Variants in MAP3K9 observed in about 807,000 individuals in gnomAD.
MAP3K9 encodes mitogen-activated protein kinase kinase kinase 9, also known as mixed lineage kinase 1 (tyr and ser/thr specificity).
A neutral mutation model predicts 95.8 loss-of-function variants in MAP3K9; 46 were observed. That is an observed-to-expected ratio of 0.48 (90% CI 0.38 to 0.61). The LOEUF is 0.61. Ranked by LOEUF, MAP3K9 falls within the 20% of genes least tolerant of loss-of-function variation. MAP3K9 has a pLI of 0.00. For missense variants in MAP3K9, 1,296 were observed against 1,474.3 expected (o/e 0.88, Z 1.98); for synonymous variants, 533 against 593.8 (o/e 0.90, Z 1.49).
intron 1 of MAP3K9, among the ~76,000 whole-genome samples, chr14:70,807,701 G>A (rs1237624803): frequency 6.6e-6 from 1 of 152,052 alleles, no homozygotes; most frequent in Non-Finnish European, 1.5e-5. Flanking sequence ...CTTTTTAACA[G>A]ATAAGAGATT....
At chr14:70,807,025 G>A (rs540120052) in intron 1 of MAP3K9, among the ~76,000 whole-genome samples, 2 of 152,176 alleles carry the variant, frequency 1.3e-5, no homozygotes, top group African/African-American at 4.8e-5. Flanking sequence ...CTACCTCCAG[G>A]CATTTTAAAG....
At chr14:70,802,283 C>T (rs1014642800) in intron 1 of MAP3K9, among the ~76,000 whole-genome samples, 3 of 152,150 alleles carry the variant, frequency 2.0e-5, no homozygotes, top group Admixed American at 6.5e-5. Context: ...GGGAAAGGAG[C>T]CTCATAAGAG....
At chr14:70,745,607 G>A (rs1429277686) in intron 5 of MAP3K9, among the ~76,000 whole-genome samples, 1 of 152,150 alleles carries the variant, frequency 6.6e-6, no homozygotes, top group Middle Eastern at 3.4e-3. Flanking sequence ...GCATGTTGAC[G>A]TGCACCTGTA....
rs572010694 is a variant in MAP3K9 at position 70,794,990 on chromosome 14, C to CTTTTTTTTTTTTTTTTTTTT, written c.820+5657_820+5676dup. Among the ~76,000 whole-genome samples the CTTTTTTTTTTTTTTTTTTTT allele has an allele frequency of 1.0e-4, 8 of 76,818 alleles. 1 individual carries two copies. Among genetic ancestry groups the CTTTTTTTTTTTTTTTTTTTT allele is most frequent in the Non-Finnish European group, 1.7e-4 (7 of 42,340 alleles). 50.4% of individuals were successfully genotyped at this position (76,818 alleles called of 152,430 possible). On this transcript the variant is annotated intron_variant, in intron 2 of 11. Coordinates refer to ENST00000554752, the MANE Select transcript of MAP3K9 (RefSeq NM_001284230.2). ...CCGTGACCAGCCTCTTTTTCTTTTC[C>CTTTTTTTTTTTTTTTTTTTT]TTTTTTTTTTTTTTTTTTTTTGAGA...
At chr14:70,756,393 T>C (rs2054299221) in intron 3 of MAP3K9, among the ~76,000 whole-genome samples, 1 of 152,148 alleles carries the variant, frequency 6.6e-6, no homozygotes, top group Admixed American at 6.5e-5. Flanking sequence ...TGAGAAATCA[T>C]GGTTTTCCAT....
chr14:70,785,228 G>A (rs2054731739), intron 2 of MAP3K9, among the ~76,000 whole-genome samples: 1 of 152,202 alleles, frequency 6.6e-6, no homozygotes, highest in African/African-American at 2.4e-5. Context: ...ACCTCAGGTA[G>A]ATACTGTTTC....
At chr14:70,746,187 A>AG (rs1298252767) in intron 5 of MAP3K9, among the ~76,000 whole-genome samples, 2 of 152,176 alleles carry the variant, frequency 1.3e-5, no homozygotes, top group Non-Finnish European at 2.9e-5. Flanking sequence ...TGTCTAAGGG[A>AG]TGGTCTGGCT....
intron 6 of MAP3K9, among the ~76,000 whole-genome samples, chr14:70,741,811 G>A (rs1381373886): frequency 6.6e-6 from 1 of 152,190 alleles, no homozygotes; most frequent in East Asian, 1.9e-4. Context: ...GCTGGGCGTG[G>A]TGGCATGCGC....
intron 2 of MAP3K9, among the ~76,000 whole-genome samples, chr14:70,764,700 T>C (rs2054425287): frequency 6.6e-6 from 1 of 151,898 alleles, no homozygotes; most frequent in African/African-American, 2.4e-5. Flanking sequence ...GGTGTGGTGG[T>C]GCATGCCTGT....
Position 70,742,499 on chromosome 14 carries a change from G to C in MAP3K9, c.1419C>G (p.Ala473=). The change falls in exon 6 of 12, where the codon GCC becomes GCG. Residue 473 remains alanine (A), a synonymous_variant. Coordinates refer to ENST00000554752, the MANE Select transcript of MAP3K9 (RefSeq NM_001284230.2). ...GTTCCAGGATGTCAATCTCCCGCTC[G>C]GCCAGCTCCTGCTCCCGACGCCGCA... ...ELLRRREQEL[A]EREIDILERE... is the part of the protein sequence containing the mutation. The C allele has an allele frequency of 6.2e-7, 1 of 1,614,176 alleles. No homozygotes were observed. Among genetic ancestry groups the C allele is most frequent in the South Asian group, 1.1e-5 (1 of 91,080 alleles).
At chr14:70,738,549 G>A (rs1307089381) in intron 7 of MAP3K9, 151 bp from the exon 8 acceptor site, 1 of 632,080 alleles carries the variant, frequency 1.6e-6, no homozygotes, top group African/African-American at 1.9e-5. Context: ...GACCCTTCCA[G>A]GAAAGTAATG....
chr14:70,808,841 C>T lies in MAP3K9; in HGVS notation c.331G>A (p.Val111Met). Residue 111 changes from valine (V) to methionine (M), a missense_variant, in exon 1 of 12, where the codon GTG becomes ATG. Around this residue, in one of 5 missense-constraint regions of MAP3K9, gnomAD observed 338 missense variants for 363.4 expected, o/e 0.93. Coordinates refer to ENST00000554752, the MANE Select transcript of MAP3K9 (RefSeq NM_001284230.2). Reference protein sequence around the residue: ...QRVGIFPSNYVTPRSAFSSRC... With the variant: ...QRVGIFPSNYMTPRSAFSSRC... ...CTGGAGAAGGCGCTGCGCGGGGTCA[C>T]GTAGTTGCTGGGGAAGATGCCCACC... 1 of 1,598,868 alleles carries T rather than the reference C, an allele frequency of 6.3e-7. No individual in the cohort carries two copies. The highest frequency in any genetic ancestry group is 2.3e-5 in the East Asian group (1 of 44,134).
chr14:70,772,097 C>T (rs1485574414), intron 2 of MAP3K9, among the ~76,000 whole-genome samples: 2 of 152,248 alleles, frequency 1.3e-5, no homozygotes, highest in African/African-American at 4.8e-5. Context: ...CTCCCCGACT[C>T]GACCTCAGCA....
chr14:70,744,207 TA>T (rs1291681630), intron 5 of MAP3K9, among the ~76,000 whole-genome samples: 3 of 151,918 alleles, frequency 2.0e-5, no homozygotes, highest in Non-Finnish European at 4.4e-5. Context: ...AGTGGGGGGC[TA>T]GGGGAGGGAG....
rs565417321 is a variant in MAP3K9 at position 70,746,403 on chromosome 14, T to C, written c.1326+2426A>G. 3.9e-5 allele frequency among the ~76,000 whole-genome samples: 6 copies of C among 152,346 alleles called. No individual in the cohort carries two copies. The East Asian group carries it at 9.6e-4, about 24-fold the overall frequency. On this transcript the variant is annotated intron_variant, in intron 5 of 11. Transcript: ENST00000554752. The stretch of plus-strand genomic sequence containing the variant: ...AATCTCCTACTTTTGCAACACCTAT[T>C]TGTGTTGCACAGTTTGCAAATCACA...
chr14:70,775,892 A>G (rs1168570560), intron 2 of MAP3K9, among the ~76,000 whole-genome samples: 3 of 152,208 alleles, frequency 2.0e-5, no homozygotes, highest in Non-Finnish European at 4.4e-5. Context: ...TAAGAAGTTA[A>G]GACTAAATAT....
Position 70,809,230 on chromosome 14 carries a change from A to T in MAP3K9, c.-59T>A. On this transcript the variant is annotated 5_prime_UTR_variant, in exon 1 of 12. Transcript: ENST00000554752. ...CCGCCCGCAGGAGCCGCCGCCGCCT[A>T]TTGTTCATGCGCCTCCGCAGAGCTG... The T allele has an allele frequency of 7.8e-7, 1 of 1,282,862 alleles. No individual in the cohort carries two copies. The highest frequency in any genetic ancestry group is 9.8e-7 in the Non-Finnish European group (1 of 1,021,410). 79.5% of individuals were successfully genotyped at this position (1,282,862 alleles called of 1,614,324 possible).
At position 70,809,197 on chromosome 14, in the gene MAP3K9, GGCC is replaced by G; in HGVS notation, c.-29_-27del. On this transcript the variant is annotated 5_prime_UTR_variant, in exon 1 of 12. Transcript: ENST00000554752. Reference sequence around the variant, plus strand: ...GGAGCGGCCGATCCATAGGGTGCGGGGCCGCCGCCGCCCGCAGGAGCCGCCGCC... The same window carrying G: ...GGAGCGGCCGATCCATAGGGTGCGGGGCCGCCGCCCGCAGGAGCCGCCGCC... The G allele has an allele frequency of 7.7e-7, 1 of 1,294,898 alleles. No individual in the cohort carries two copies. Among genetic ancestry groups the G allele is most frequent in the Non-Finnish European group, 9.7e-7 (1 of 1,027,918 alleles). The allele number at this position is 1,294,898 out of a possible 1,614,324, so 80.2% of individuals were successfully genotyped here.
chr14:70,736,028 A>C lies in MAP3K9; in HGVS notation c.1846T>G (p.Ser616Ala). The C allele has an allele frequency of 6.2e-7, 1 of 1,608,414 alleles. No individual in the cohort carries two copies. The highest frequency in any genetic ancestry group is 1.1e-5 in the South Asian group (1 of 90,960). Residue 616 changes from serine to alanine, a missense_variant and splice_region_variant, in exon 9 of 12, where the codon TCC becomes GCC. By Grantham distance (99) the Ser-to-Ala change is moderately conservative. Coordinates refer to ENST00000554752, the MANE Select transcript of MAP3K9 (RefSeq NM_001284230.2). ...TTAGCTTTCTCACGTCTCTGAGGGG[A>C]TCTTCAATGAATAAAGAGAATCAGT... is the stretch of plus-strand genomic sequence containing the variant. ...QKELASGDEG[S>A]PQRREKANGL...
Sources: gnomAD v4.1 joint callset for allele counts (sites outside exome capture counted in the v4.1 genomes callset) on GRCh38, gnomAD v4.1.1 for gene constraint, gnomAD v4.1.1 regional missense constraint, MANE v1.5 for transcripts, NCBI Gene and HGNC (gene_info 2026-07-23, HGNC 2026-07-21) for gene names.